Variants in PLIN3 observed in about 807,000 individuals in gnomAD.
PLIN3 encodes the protein perilipin 3.
In PLIN3, 30 loss-of-function variants were observed where a neutral mutation model predicts 35.9. That is an observed-to-expected ratio of 0.84 (90% CI 0.62 to 1.13). PLIN3 has a LOEUF of 1.13. PLIN3 is among the 50% of genes most tolerant of loss of function. The pLI is 0.00. For missense variants in PLIN3, 603 were observed against 596.9 expected (o/e 1.01, Z -0.11); for synonymous variants, 261 against 262.5 (o/e 0.99, Z 0.06).
chr19:4,864,458 T>TG (rs1212518563), intron 1 of PLIN3, among the ~76,000 whole-genome samples: 16 of 133,258 alleles, frequency 1.2e-4, no homozygotes, highest in African/African-American at 3.4e-4. Flanking sequence ...GTGGTTTGTT[T>TG]TTTTTTTTGT....
At chr19:4,866,026 T>TC (rs2030844015) in intron 1 of PLIN3, among the ~76,000 whole-genome samples, 1 of 146,638 alleles carries the variant, frequency 6.8e-6, no homozygotes, top group Non-Finnish European at 1.5e-5. Context: ...CCCGGCCTTT[T>TC]TTTTTTTTTG....
chr19:4,844,800 C>A lies in PLIN3; in HGVS notation c.835-7G>T, dbSNP rs1363256610. ...CTTGCTTGACAGTTTCCATCTGGGG[C>A]AGGGGAGAGAGAAGTGAGGGAAGGA... is the stretch of plus-strand genomic sequence containing the variant. On this transcript the variant is annotated splice_region_variant and splice_polypyrimidine_tract_variant and intron_variant, in intron 6 of 7. Coordinates refer to ENST00000221957, the MANE Select transcript of PLIN3 (RefSeq NM_005817.5). The A allele has an allele frequency of 9.4e-6, 15 of 1,589,856 alleles. No individual in the cohort carries two copies. The highest frequency in any genetic ancestry group is 1.3e-5 in the Non-Finnish European group (15 of 1,168,724).
At chr19:4,861,499 G>T in intron 1 of PLIN3, 88 bp from the exon 2 acceptor site, 1 of 853,614 alleles carries the variant, frequency 1.2e-6, no homozygotes, top group Non-Finnish European at 1.9e-6. Context: ...GGAAGACAGG[G>T]TTCACACCTG....
rs1055966567 is a variant in PLIN3 at position 4,859,609 on chromosome 19, A to G, written c.329T>C (p.Leu110Pro). The change falls in exon 4 of 8, where the codon CTG (leucine) becomes CCG (proline). Residue 110 changes from leucine to proline, a missense_variant. By Grantham distance (98) the Leu-to-Pro change is moderately conservative (BLOSUM62 -3). Transcript: ENST00000221957. ...CGTTACCTTCTCCGTGGGCTGCTGC[A>G]GGATGGGGAGGTTCTCCTCCAACTT... ...LDKLEENLPI[L>P]QQPTEKVLAD... 3 of 1,613,980 alleles carry G rather than the reference A, an allele frequency of 1.9e-6. No individual in the cohort carries two copies. The highest frequency in any genetic ancestry group is 2.5e-6 in the Non-Finnish European group (3 of 1,179,972).
chr19:4,847,688 C>T lies in PLIN3; in HGVS notation c.834+3G>A, dbSNP rs775770891. On this transcript the variant is annotated splice_donor_region_variant and intron_variant, in intron 6 of 7. Transcript: ENST00000221957. ...TCAGGGCCCCGACCCCCTGGAACCTCACCAGGCTTAGGACCTGCGACAGCT... is the reference window on the plus strand; with the variant it reads ...TCAGGGCCCCGACCCCCTGGAACCTTACCAGGCTTAGGACCTGCGACAGCT... The T allele has an allele frequency of 1.9e-6, 3 of 1,592,706 alleles. No homozygotes were observed. In the African/African-American group the frequency reaches 4.0e-5, roughly 21 times the overall value.
chr19:4,845,570 G>A (rs2030060095), intron 6 of PLIN3, among the ~76,000 whole-genome samples: 1 of 152,054 alleles, frequency 6.6e-6, no homozygotes, highest in Admixed American at 6.6e-5. Context: ...AGTAGCTCCA[G>A]AACAGCATAG....
chr19:4,839,299 C>T lies in PLIN3; in HGVS notation c.1198G>A (p.Ala400Thr). The T allele has an allele frequency of 6.2e-7, 1 of 1,614,064 alleles. No individual in the cohort carries two copies. The highest frequency in any genetic ancestry group is 8.5e-7 in the Non-Finnish European group (1 of 1,180,006). Residue 400 changes from alanine to threonine, a missense_variant, in exon 8 of 8, where the codon GCC becomes ACC. By Grantham distance (58) the Ala-to-Thr change is moderately conservative. Coordinates refer to ENST00000221957, the MANE Select transcript of PLIN3 (RefSeq NM_005817.5). Reference sequence around the variant, plus strand: ...ACATATTCCACCATGTGGTCCAGGGCCTCGCGGGCGCTGGCGACACGCTCA... The same window carrying T: ...ACATATTCCACCATGTGGTCCAGGGTCTCGCGGGCGCTGGCGACACGCTCA... Reference protein sequence around the residue: ...SRERVASAREALDHMVEYVAQ... With the variant: ...SRERVASARETLDHMVEYVAQ...
chr19:4,851,980 G>T (rs754133882), intron 5 of PLIN3, 36 bp downstream of exon 5: 2 of 1,591,242 alleles, frequency 1.3e-6, no homozygotes, highest in Non-Finnish European at 1.7e-6. Flanking sequence ...GGGGGCCTGG[G>T]GAGGGGTCCC....
intron 4 of PLIN3, among the ~76,000 whole-genome samples, chr19:4,858,674 G>T (rs182376814): frequency 4.8e-5 from 7 of 145,928 alleles, no homozygotes; most frequent in Admixed American, 1.4e-4. Flanking sequence ...GAGCCACCGC[G>T]CCTGGCCAGA....
intron 6 of PLIN3, among the ~76,000 whole-genome samples, chr19:4,845,783 G>A (rs10417784): frequency 0.55 from 82,934 of 150,004 alleles, 22,925 homozygotes; most frequent in Middle Eastern, 0.59. Context: ...AATTAGCCCA[G>A]CGTGGTGGTG....
At chr19:4,844,424 C>T (rs1050530135) in intron 7 of PLIN3, among the ~76,000 whole-genome samples, 2 of 152,096 alleles carry the variant, frequency 1.3e-5, no homozygotes, top group African/African-American at 4.8e-5. Flanking sequence ...CAAGATCATG[C>T]CATTGTACTC....
In PLIN3 at chr19:4,838,867, C is replaced by T. The variant is rs1195560475; in HGVS notation, c.*325G>A. ...AAGTGCTGGGATTACAGGTGTGAGC[C>T]ACCGCACCCGGCCTATATTCCTGAT... On this transcript the variant is annotated 3_prime_UTR_variant, in exon 8 of 8. Transcript: ENST00000221957. 1 of 179,008 alleles carries T rather than the reference C, an allele frequency of 5.6e-6. No homozygotes were observed. The highest frequency in any genetic ancestry group is 2.4e-5 in the African/African-American group (1 of 42,468). The allele number at this position is 179,008 out of a possible 1,614,324, so 11.1% of individuals were successfully genotyped here. A position where few individuals can be genotyped will look rare whatever the true frequency, so the allele number is the denominator to read the frequency against.
At chr19:4,865,724 T>G (rs1219399434) in intron 1 of PLIN3, among the ~76,000 whole-genome samples, 1 of 128,752 alleles carries the variant, frequency 7.8e-6, no homozygotes, top group African/African-American at 2.7e-5. Flanking sequence ...CCATTTTTTT[T>G]TTTTTGTTTT....
Position 4,847,701 on chromosome 19 carries a change from A to G in PLIN3, c.824T>C (p.Val275Ala), listed in dbSNP as rs9973235. 1,376,484 of 1,599,220 alleles carry G rather than the reference A, an allele frequency of 0.86. 592,895 individuals are homozygous for G. Among genetic ancestry groups the G allele is most frequent in the Admixed American group, 0.93 (53,931 of 57,858 alleles). The change falls in exon 6 of 8, where the codon GTC becomes GCC. Residue 275 changes from valine (V) to alanine (A), a missense_variant. Val to Ala is a moderately conservative substitution (Grantham distance 64, BLOSUM62 0). Transcript: ENST00000221957. ...AQEALLQLSQVLSLMETVKQG... is the reference protein window; with the variant it reads ...AQEALLQLSQALSLMETVKQG... ...CCCCTGGAACCTCACCAGGCTTAGG[A>G]CCTGCGACAGCTGCAGCAGAGCCTC...
chr19:4,842,144 A>G (rs2029911620), intron 7 of PLIN3, among the ~76,000 whole-genome samples: 1 of 151,612 alleles, frequency 6.6e-6, no homozygotes, highest in South Asian at 2.1e-4. Context: ...TACAAAAATT[A>G]GGCCGGGCGC....
chr19:4,842,503 G>A (rs1403963714), intron 7 of PLIN3, among the ~76,000 whole-genome samples: 5 of 151,066 alleles, frequency 3.3e-5, no homozygotes, highest in Admixed American at 2.0e-4. Flanking sequence ...GGGAGGCTGA[G>A]GCAGGAGAAT....
chr19:4,842,447 C>A (rs1020940606), intron 7 of PLIN3, among the ~76,000 whole-genome samples: 1 of 149,898 alleles, frequency 6.7e-6, no homozygotes, highest in African/African-American at 2.5e-5. Context: ...ATAAATAAAT[C>A]AAATTAGCTG....
At chr19:4,841,805 T>G in intron 7 of PLIN3, among the ~76,000 whole-genome samples, 2 of 142,560 alleles carry the variant, frequency 1.4e-5, no homozygotes, top group Admixed American at 7.6e-5. Flanking sequence ...CTTAGGAGGC[T>G]GAGGCAGGAG....
At chr19:4,856,705 G>GTTTT (rs1420037223) in intron 4 of PLIN3, among the ~76,000 whole-genome samples, 73 of 126,364 alleles carry the variant, frequency 5.8e-4, no homozygotes, top group Non-Finnish European at 9.7e-4. Flanking sequence ...GAAGGAGGGT[G>GTTTT]TTTTTTTTTT....
Sources: allele counts gnomAD v4.1 joint callset (sites outside exome capture counted in the v4.1 genomes callset), GRCh38; gene constraint gnomAD v4.1.1; transcripts MANE v1.5; gene names NCBI Gene and HGNC (gene_info 2026-07-23, HGNC 2026-07-21).